The following ZNF273 variants were observed in gnomAD, a reference collection of about 807,000 sequenced individuals.
ZNF273 encodes the protein zinc finger protein 273.
In ZNF273, 11 loss-of-function variants were observed where a neutral mutation model predicts 14.9. The ratio of observed to expected loss-of-function variants is 0.74; its 90% CI spans 0.46 to 1.22. ZNF273 has a LOEUF of 1.22. Among genes scored for constraint, ZNF273 ranks in the 50% most tolerant of loss-of-function variants. ZNF273 has a pLI of 0.00. For missense variants in ZNF273, 577 were observed against 660.6 expected (o/e 0.87, Z 1.39); for synonymous variants, 199 against 223.9 (o/e 0.89, Z 0.99).
intron 1 of ZNF273, among the ~76,000 whole-genome samples, chr7:64,907,699 TAG>T (rs747205846): frequency 5.9e-5 from 9 of 152,142 alleles, no homozygotes; most frequent in Non-Finnish European, 1.0e-4. Context: ...CCACAAACTC[TAG>T]AGATTTGGTA....
rs918544914 is a variant in ZNF273, at chr7:64,928,225, T to C, written c.897T>C (p.Phe299=). The C allele has an allele frequency of 1.9e-6, 3 of 1,613,294 alleles. No homozygotes were observed. The highest frequency in any genetic ancestry group is 2.2e-5 in the East Asian group (1 of 44,818). The change falls in exon 4 of 4, where the codon TTT becomes TTC. Residue 299 remains phenylalanine, a synonymous_variant. Transcript: ENST00000476120. ...PYKCEDCGKV[F]SVFSVLTKHK... ...AATGTGAAGATTGTGGCAAAGTCTT[T>C]AGTGTATTTTCAGTCCTTACTAAAC...
Position 64,921,605 on chromosome 7 carries a change from C to CTTTT in ZNF273, c.325+3342_325+3345dup, listed in dbSNP as rs752363426. Reference sequence around the variant, plus strand: ...TATCAATCTTTGCTTCATGCTAATGCTTTTTTTTTTTTTTTTTTTTTTTTT... The same window carrying CTTTT: ...TATCAATCTTTGCTTCATGCTAATGCTTTTTTTTTTTTTTTTTTTTTTTTTTTTT... On this transcript the variant is annotated intron_variant, in intron 3 of 3. Coordinates refer to ENST00000476120, the MANE Select transcript of ZNF273 (RefSeq NM_021148.3). Among the ~76,000 whole-genome samples, 97 of 57,966 alleles carry CTTTT rather than the reference C, an allele frequency of 1.7e-3. 19 individuals carry two copies. Among genetic ancestry groups the CTTTT allele is most frequent in the Non-Finnish European group, 2.2e-3 (69 of 31,484 alleles). The allele number at this position is 57,966 out of a possible 152,430, so 38.0% of individuals were successfully genotyped here.
Position 64,895,981 on chromosome 7 carries a change from T to G in ZNF273, n.489-1367T>G, listed in dbSNP as rs549947310. Among the ~76,000 whole-genome samples, 3 of 152,252 alleles carry G rather than the reference T, an allele frequency of 2.0e-5. No individual in the cohort carries two copies. In the South Asian group the frequency reaches 6.2e-4, roughly 32 times the overall value. The stretch of plus-strand genomic sequence containing the variant: ...AATTTGAACTTTCAGTATGAAAAAT[T>G]TGGTAAAATAAAGCTTTTATTTTCT... On this transcript the variant is annotated intron_variant and non_coding_transcript_variant, in intron 3 of 7. Transcript: ENST00000527278.
rs573598346 is a variant in ZNF273, at chr7:64,916,177, CAAG to C, written c.103-1401_103-1399del. On this transcript the variant is annotated intron_variant, in intron 1 of 3. Coordinates refer to ENST00000476120, the MANE Select transcript of ZNF273 (RefSeq NM_021148.3). Reference sequence around the variant, plus strand: ...CATCACTGTACTCCAGCCTGGGCAACAAGAAAAAAAATTATTAGGAGAAAACTG... The same window carrying C: ...CATCACTGTACTCCAGCCTGGGCAACAAAAAAAATTATTAGGAGAAAACTG... 2.0e-4 allele frequency among the ~76,000 whole-genome samples: 30 copies of C among 150,796 alleles called. 1 individual carries two copies. The highest frequency in any genetic ancestry group is 6.8e-4 in the African/African-American group (28 of 41,166).
chr7:64,905,517 G>T (rs1165801643), intron 1 of ZNF273, among the ~76,000 whole-genome samples: 2 of 149,660 alleles, frequency 1.3e-5, no homozygotes, highest in South Asian at 2.1e-4. Context: ...CAGATTGCTG[G>T]TCAGCCAATC....
At chr7:64,892,322 T>C (rs914921011), downstream of ZNF273, among the ~76,000 whole-genome samples, 8 of 152,096 alleles carry the variant, frequency 5.3e-5, no homozygotes, top group Admixed American at 2.0e-4. Flanking sequence ...TGAGGGAGGA[T>C]TAAATGAGTT....
chr7:64,888,695 G>A, exon 2 of ZNF273: 1 of 985,714 alleles, frequency 1.0e-6, no homozygotes, highest in Non-Finnish European at 1.2e-6. Context: ...GGGGTGAGAG[G>A]TCCGGCTCCT....
downstream of ZNF273, chr7:64,931,078 A>G (rs1163645560): frequency 6.6e-6 from 1 of 152,192 alleles, no homozygotes; most frequent in African/African-American, 2.4e-5. Flanking sequence ...AGAGTTAAAT[A>G]TACATATATT....
chr7:64,925,295 A>T (rs1794717721), intron 3 of ZNF273, among the ~76,000 whole-genome samples: 1 of 151,922 alleles, frequency 6.6e-6, no homozygotes, highest in Admixed American at 6.6e-5. Context: ...TTGTATCGAT[A>T]TGCTTTCATT....
intron 3 of ZNF273, among the ~76,000 whole-genome samples, chr7:64,896,586 A>T (rs1254427114): frequency 1.3e-5 from 2 of 152,114 alleles, no homozygotes; most frequent in Admixed American, 6.5e-5. Flanking sequence ...TTTTATTCTT[A>T]TTCTTAAATA....
At chr7:64,882,958 T>C (rs1791325962), downstream of ZNF273, among the ~76,000 whole-genome samples, 1 of 152,124 alleles carries the variant, frequency 6.6e-6, no homozygotes, top group South Asian at 2.1e-4. Flanking sequence ...TGCCCGAGTG[T>C]GTATGCGGCT....
intron 1 of ZNF273, among the ~76,000 whole-genome samples, chr7:64,887,120 G>C (rs62455114): frequency 0.039 from 5,915 of 152,276 alleles, 183 homozygotes; most frequent in East Asian, 0.15. Context: ...ACTTGGTTTG[G>C]ACTGAGGTCT....
intron 1 of ZNF273, among the ~76,000 whole-genome samples, chr7:64,904,173 A>T (rs1308387409): frequency 6.6e-6 from 1 of 152,172 alleles, no homozygotes; most frequent in Admixed American, 6.5e-5. Context: ...ACTGCAACCA[A>T]CGCCTCCCGG....
At chr7:64,916,559 A>C (rs373310223) in intron 1 of ZNF273, among the ~76,000 whole-genome samples, 8,337 of 150,110 alleles carry the variant, frequency 0.056, 324 homozygotes, top group African/African-American at 0.09. Flanking sequence ...AAAAAAAAAA[A>C]AAAAAACCAT....
At chr7:64,877,955 G>T (rs891920364) in intron 1 of ZNF273, 7 of 152,234 alleles carry the variant, frequency 4.6e-5, no homozygotes, top group Admixed American at 4.6e-4. Context: ...AACCTCAGAA[G>T]TTGCTGGGCT....
intron 3 of ZNF273, among the ~76,000 whole-genome samples, chr7:64,925,493 A>G (rs1794728059): frequency 6.6e-6 from 1 of 152,082 alleles, no homozygotes; most frequent in South Asian, 2.1e-4. Flanking sequence ...GCTGGAGTGC[A>G]GTGACACAAT....
At chr7:64,934,519 A>G (rs1242569388), downstream of ZNF273, among the ~76,000 whole-genome samples, 1 of 152,156 alleles carries the variant, frequency 6.6e-6, no homozygotes, top group African/African-American at 2.4e-5. Context: ...TGAGGGCCTC[A>G]TTGCTCTGCA....
chr7:64,891,204 G>A (rs1467170879), downstream of ZNF273, among the ~76,000 whole-genome samples: 1 of 152,192 alleles, frequency 6.6e-6, no homozygotes, highest in Non-Finnish European at 1.5e-5. Context: ...CTCCGAGGCT[G>A]GACAACTCTG....
chr7:64,890,376 T>C (rs1317254191), downstream of ZNF273, among the ~76,000 whole-genome samples: 1 of 151,950 alleles, frequency 6.6e-6, no homozygotes, highest in Non-Finnish European at 1.5e-5. Context: ...GGAGAGCAGG[T>C]TCCGTGATCA....
Sources: allele counts gnomAD v4.1 joint callset (sites outside exome capture counted in the v4.1 genomes callset), GRCh38; gene constraint gnomAD v4.1.1; transcripts MANE v1.5; gene names NCBI Gene and HGNC (gene_info 2026-07-23, HGNC 2026-07-21).